The following MOB1A variants were observed in gnomAD, a reference collection of about 807,000 sequenced individuals.
MOB1A encodes the protein MOB kinase activator 1A.
Under a neutral mutation model 25.1 loss-of-function variants are expected in MOB1A, and 10 were observed. The ratio of observed to expected loss-of-function variants is 0.40; its 90% CI spans 0.25 to 0.68. The LOEUF is 0.68. MOB1A is among the 30% of genes least tolerant of loss of function. The pLI, the probability that MOB1A is intolerant of heterozygous loss-of-function variation, is 0.40. For synonymous variants in MOB1A, 81 were observed against 79.5 expected, an observed-to-expected ratio of 1.02 and a Z score of -0.10; for missense variants, 177 against 256.3, an observed-to-expected ratio of 0.69 and a Z score of 2.11.
At chr2:74,176,225 G>C (rs899093740) in intron 1 of MOB1A, among the ~76,000 whole-genome samples, 3 of 129,472 alleles carry the variant, frequency 2.3e-5, no homozygotes, top group African/African-American at 9.0e-5. Flanking sequence ...GCAGTGAGCT[G>C]AGATCGCACC....
intron 2 of MOB1A, 92 bp downstream of exon 2, chr2:74,172,494 A>T: frequency 8.3e-7 from 1 of 1,203,068 alleles, no homozygotes; most frequent in Non-Finnish European, 1.2e-6. Context: ...TTGTTATATT[A>T]AAACAGTTCT....
chr2:74,173,029 G>A (rs1558838545), intron 1 of MOB1A, among the ~76,000 whole-genome samples: 1 of 152,054 alleles, frequency 6.6e-6, no homozygotes, highest in Non-Finnish European at 1.5e-5. Context: ...CCAGCTACTT[G>A]GGAGGCTGAG....
In MOB1A at chr2:74,152,741, T is replaced by G. The variant is rs1451252302; in HGVS notation, c.*3827A>C. ...AACATAAATTTTTATGTAAAGAACA[T>G]TTAAAAATATTTTAGATGGTAACCA... On this transcript the variant is annotated 3_prime_UTR_variant, in exon 6 of 6. Coordinates refer to ENST00000396049, the MANE Select transcript of MOB1A (RefSeq NM_018221.5). 6.6e-6 allele frequency: 1 copy of G among 152,212 alleles called. No homozygotes were observed. The highest frequency in any genetic ancestry group is 1.5e-5 in the Non-Finnish European group (1 of 68,028). The allele number at this position is 152,212 out of a possible 1,614,324, so 9.4% of individuals were successfully genotyped here. A position where few individuals can be genotyped will look rare whatever the true frequency, so the allele number is the denominator to read the frequency against.
Position 74,178,693 on chromosome 2 carries a change from A to C in MOB1A, c.-19T>G. 1.6e-6 allele frequency: 2 copies of C among 1,287,272 alleles called. No individual in the cohort carries two copies. Among genetic ancestry groups the C allele is most frequent in the Non-Finnish European group, 2.0e-6 (2 of 1,006,832 alleles). The allele number at this position is 1,287,272 out of a possible 1,614,324, so 79.7% of individuals were successfully genotyped here. A position where few individuals can be genotyped will look rare whatever the true frequency, so the allele number is the denominator to read the frequency against. Reference sequence around the variant, plus strand: ...AGCTCATCTTCGGTCCTCAGAGGGGAGGCGAGGGGCCCCTGGCCCCCGCCT... The same window carrying C: ...AGCTCATCTTCGGTCCTCAGAGGGGCGGCGAGGGGCCCCTGGCCCCCGCCT... On this transcript the variant is annotated 5_prime_UTR_variant, in exon 1 of 6. Transcript: ENST00000396049.
At chr2:74,158,972 G>A (rs933196005) in intron 5 of MOB1A, 119 bp downstream of exon 5, 2 of 966,790 alleles carry the variant, frequency 2.1e-6, no homozygotes, top group Non-Finnish European at 3.2e-6. Context: ...AAACAGAAAA[G>A]AGAAGCTTGC....
chr2:74,158,196 A>AAAAG (rs138291009), intron 5 of MOB1A, among the ~76,000 whole-genome samples: 1 of 119,344 alleles, frequency 8.4e-6, no homozygotes, highest in African/African-American at 3.1e-5. Context: ...AAAAAAAAAG[A>AAAAG]GGGGGGAAAA....
chr2:74,165,206 A>G lies in MOB1A; in HGVS notation c.409+12T>C, dbSNP rs1693095764. 2 of 1,507,788 alleles carry G rather than the reference A, an allele frequency of 1.3e-6. No individual in the cohort carries two copies. The highest frequency in any genetic ancestry group is 1.8e-6 in the Non-Finnish European group (2 of 1,127,446). The allele number at this position is 1,507,788 out of a possible 1,614,324, so 93.4% of individuals were successfully genotyped here. A position where few individuals can be genotyped will look rare whatever the true frequency, so the allele number is the denominator to read the frequency against. On this transcript the variant is annotated intron_variant, in intron 4 of 5. Coordinates refer to ENST00000396049, the MANE Select transcript of MOB1A (RefSeq NM_018221.5). ...TAAAAAAAGAAAGAATACTTCGACAATGTTAACTCACCAATCTTAGAAGGA... is the reference window on the plus strand; with the variant it reads ...TAAAAAAAGAAAGAATACTTCGACAGTGTTAACTCACCAATCTTAGAAGGA...
rs1693550504 is a variant in MOB1A at position 74,178,701 on chromosome 2, G to A, written c.-27C>T. ...TTCGGTCCTCAGAGGGGAGGCGAGG[G>A]GCCCCTGGCCCCCGCCTGGATCAGG... On this transcript the variant is annotated 5_prime_UTR_variant, in exon 1 of 6. Coordinates refer to ENST00000396049, the MANE Select transcript of MOB1A (RefSeq NM_018221.5). The A allele has an allele frequency of 7.8e-7, 1 of 1,287,364 alleles. No homozygotes were observed. The highest frequency in any genetic ancestry group is 1.0e-6 in the Non-Finnish European group (1 of 1,001,868). 79.7% of individuals were successfully genotyped at this position (1,287,364 alleles called of 1,614,324 possible). A position where few individuals can be genotyped will look rare whatever the true frequency, so the allele number is the denominator to read the frequency against.
chr2:74,155,546 G>T lies in MOB1A; in HGVS notation c.*1022C>A, dbSNP rs1692781813. ...TTTTCCTTAAGTTTTATCCTTATTA[G>T]GATGAAGTTCATGCATTTCTACACT... is the stretch of plus-strand genomic sequence containing the variant. On this transcript the variant is annotated 3_prime_UTR_variant, in exon 6 of 6. Coordinates refer to ENST00000396049, the MANE Select transcript of MOB1A (RefSeq NM_018221.5). 1.3e-5 allele frequency: 2 copies of T among 152,374 alleles called. No individual in the cohort carries two copies. Among genetic ancestry groups the T allele is most frequent in the South Asian group, 4.2e-4 (2 of 4,818 alleles). 9.4% of individuals were successfully genotyped at this position (152,374 alleles called of 1,614,324 possible). A position where few individuals can be genotyped will look rare whatever the true frequency, so the allele number is the denominator to read the frequency against.
Position 74,159,109 on chromosome 2 carries a change from G to A in MOB1A, c.555C>T (p.His185=). The A allele has an allele frequency of 6.2e-7, 1 of 1,613,756 alleles. No homozygotes were observed. The highest frequency in any genetic ancestry group is 1.3e-5 in the African/African-American group (1 of 75,036). The part of the protein sequence containing the change: ...EEAHLNTSFK[H]FIFFVQEFNL... ...AACTTACCTGAACAAAGAAAATAAAGTGCTTAAAGGAGGTGTTGAGGTGGG... is the reference window on the plus strand; with the variant it reads ...AACTTACCTGAACAAAGAAAATAAAATGCTTAAAGGAGGTGTTGAGGTGGG... Residue 185 remains histidine, a synonymous_variant, in exon 5 of 6, where the codon CAC becomes CAT. Transcript: ENST00000396049.
At chr2:74,162,912 A>T (rs1306246221) in intron 4 of MOB1A, among the ~76,000 whole-genome samples, 1 of 152,244 alleles carries the variant, frequency 6.6e-6, no homozygotes, top group East Asian at 1.9e-4. Context: ...AAAATGGAGA[A>T]AACCTTATGG....
chr2:74,157,627 A>G (rs899129386), intron 5 of MOB1A, among the ~76,000 whole-genome samples: 8 of 152,308 alleles, frequency 5.3e-5, no homozygotes, highest in African/African-American at 1.9e-4. Flanking sequence ...AGACATTATC[A>G]AAATTGAATC....
intron 4 of MOB1A, 26 bp downstream of exon 4, chr2:74,165,192 A>G (rs1693094994): frequency 1.4e-6 from 2 of 1,471,324 alleles, no homozygotes; most frequent in Non-Finnish European, 1.8e-6. Flanking sequence ...AAAAAAAGAA[A>G]GAATACTTCG....
intron 2 of MOB1A, 147 bp downstream of exon 2, chr2:74,172,439 C>G (rs902892985): frequency 2.6e-6 from 2 of 777,304 alleles, no homozygotes; most frequent in Non-Finnish European, 4.0e-6. Flanking sequence ...AAAAGAGCAA[C>G]ATAGCTTTGG....
At chr2:74,173,751 C>A (rs1249136501) in intron 1 of MOB1A, among the ~76,000 whole-genome samples, 3 of 148,040 alleles carry the variant, frequency 2.0e-5, no homozygotes, top group South Asian at 2.1e-4. Flanking sequence ...GAGATCGAGA[C>A]CATCCTGGCT....
chr2:74,174,034 C>T (rs1693380850), intron 1 of MOB1A, among the ~76,000 whole-genome samples: 2 of 149,674 alleles, frequency 1.3e-5, no homozygotes, highest in Non-Finnish European at 3.0e-5. Flanking sequence ...TTTGGGAGGC[C>T]GAGGCAGTGG....
In MOB1A at chr2:74,178,855, C is replaced by T. The variant is rs926222339; in HGVS notation, c.-181G>A. Reference sequence around the variant, plus strand: ...AAACCTCGGCGCCCGCCTTGCCCGCCTACCCCACCTCGCAGACCCGAAATG... The same window carrying T: ...AAACCTCGGCGCCCGCCTTGCCCGCTTACCCCACCTCGCAGACCCGAAATG... On this transcript the variant is annotated 5_prime_UTR_variant, in exon 1 of 6. Coordinates refer to ENST00000396049, the MANE Select transcript of MOB1A (RefSeq NM_018221.5). 1 of 393,774 alleles carries T rather than the reference C, an allele frequency of 2.5e-6. No homozygotes were observed. 24.4% of individuals were successfully genotyped at this position (393,774 alleles called of 1,614,324 possible).
At chr2:74,177,729 T>C (rs1693514699) in intron 1 of MOB1A, among the ~76,000 whole-genome samples, 1 of 152,120 alleles carries the variant, frequency 6.6e-6, no homozygotes, top group African/African-American at 2.4e-5. Flanking sequence ...AGCATGTGGA[T>C]TACATCCATA....
At chr2:74,172,300 C>T (rs1402963573) in intron 2 of MOB1A, among the ~76,000 whole-genome samples, 1 of 152,190 alleles carries the variant, frequency 6.6e-6, no homozygotes, top group Non-Finnish European at 1.5e-5. Context: ...ATAATCTTTT[C>T]ATTTATCAAT....
Sources: gnomAD v4.1 joint callset for allele counts (sites outside exome capture counted in the v4.1 genomes callset) on GRCh38, gnomAD v4.1.1 for gene constraint, MANE v1.5 for transcripts, NCBI Gene and HGNC (gene_info 2026-07-23, HGNC 2026-07-21) for gene names.